The following NREP variants were observed in gnomAD, a reference collection of about 807,000 sequenced individuals.
NREP encodes neuronal regeneration related protein.
NREP carries 5 observed loss-of-function variants against 8.6 expected under a neutral mutation model. That is an observed-to-expected ratio of 0.58 (90% CI 0.30 to 1.22). The LOEUF (loss-of-function observed/expected upper bound fraction) is 1.22. NREP is among the 50% of genes most tolerant of loss of function. NREP has a pLI of 0.07. For synonymous variants in NREP, 27 were observed against 28.0 expected (o/e 0.96, Z 0.11); for missense variants, 86 against 82.5 (o/e 1.04, Z -0.17).
At chr5:111,774,223 AGAAG>A (rs1751304851) in intron 2 of NREP, among the ~76,000 whole-genome samples, 3 of 149,022 alleles carry the variant, frequency 2.0e-5, no homozygotes, top group African/African-American at 7.4e-5. Flanking sequence ...GAAGGAAGGA[AGAAG>A]GGAGGGAAGG....
intron 2 of NREP, among the ~76,000 whole-genome samples, chr5:111,803,205 T>A (rs755758905): frequency 3.9e-5 from 6 of 152,200 alleles, no homozygotes; most frequent in Non-Finnish European, 8.8e-5. Context: ...GGGATTCTAT[T>A]TTATAAAATA....
intron 2 of NREP, among the ~76,000 whole-genome samples, chr5:111,824,155 G>C (rs528916228): frequency 6.6e-6 from 1 of 152,296 alleles, no homozygotes; most frequent in Non-Finnish European, 1.5e-5. Context: ...CGGATCACGA[G>C]GTCAGGAGAT....
chr5:111,878,996 C>G (rs1307012993), intron 2 of NREP, among the ~76,000 whole-genome samples: 3 of 152,112 alleles, frequency 2.0e-5, no homozygotes, highest in Admixed American at 1.3e-4. Flanking sequence ...ATGTGACCAC[C>G]AATGTTAGAA....
intron 2 of NREP, among the ~76,000 whole-genome samples, chr5:111,859,778 C>G (rs960711894): frequency 2.0e-5 from 3 of 152,012 alleles, no homozygotes; most frequent in African/African-American, 7.2e-5. Context: ...CTTTATCTGT[C>G]CAGTCTTTTT....
chr5:111,874,240 G>A (rs1344023601), intron 2 of NREP, among the ~76,000 whole-genome samples: 1 of 152,138 alleles, frequency 6.6e-6, no homozygotes, highest in Non-Finnish European at 1.5e-5. Context: ...TATCAGTCCA[G>A]ATGTTAAAAT....
At chr5:111,861,098 C>T (rs560246018) in intron 2 of NREP, among the ~76,000 whole-genome samples, 2 of 152,268 alleles carry the variant, frequency 1.3e-5, no homozygotes, top group East Asian at 1.9e-4. Context: ...CACAAGCTAG[C>T]GTGCATTCAG....
chr5:111,937,421 T>C (rs993717372), intron 2 of NREP, among the ~76,000 whole-genome samples: 6 of 152,104 alleles, frequency 3.9e-5, no homozygotes, highest in African/African-American at 1.4e-4. Context: ...TTTCCAAGTA[T>C]GAAGTAAAGA....
intron 2 of NREP, among the ~76,000 whole-genome samples, chr5:111,866,725 G>A (rs553742875): frequency 1.3e-5 from 2 of 152,236 alleles, no homozygotes; most frequent in East Asian, 3.9e-4. Flanking sequence ...ATTCACAATA[G>A]CAAAGACTTG....
At chr5:111,975,684 CATAG>C (rs1342014291) in intron 1 of NREP, among the ~76,000 whole-genome samples, 3 of 152,106 alleles carry the variant, frequency 2.0e-5, no homozygotes. Context: ...TATCCATAAA[CATAG>C]ATATTCATTA....
chr5:111,880,686 A>G (rs1754032447), intron 2 of NREP, among the ~76,000 whole-genome samples: 1 of 151,418 alleles, frequency 6.6e-6, no homozygotes, highest in Non-Finnish European at 1.5e-5. Context: ...TGAATGGATT[A>G]CAGAGGTAGA....
chr5:111,972,196 C>A (rs1170959747), intron 2 of NREP, among the ~76,000 whole-genome samples: 1 of 152,070 alleles, frequency 6.6e-6, no homozygotes, highest in Non-Finnish European at 1.5e-5. Context: ...TATGACCTCA[C>A]ACCTGTTAGA....
rs147186662 is a variant in NREP, at chr5:111,770,520, T to TA, written c.136-35014dup. 4.4e-3 allele frequency among the ~76,000 whole-genome samples: 622 copies of TA among 140,042 alleles called. 8 individuals are homozygous for TA. The highest frequency in any genetic ancestry group is 0.016 in the African/African-American group (605 of 38,106). 91.9% of individuals were successfully genotyped at this position (140,042 alleles called of 152,430 possible). On this transcript the variant is annotated intron_variant, in intron 2 of 3. Coordinates refer to the NREP transcript ENST00000395634. ...TGCTAACATGCCTACAGTTTAGGAA[T>TA]AAAAAATATTATTTGGTAAAGAAGA...
intron 2 of NREP, among the ~76,000 whole-genome samples, chr5:111,799,735 T>A (rs1387239655): frequency 6.6e-6 from 1 of 152,246 alleles, no homozygotes; most frequent in African/African-American, 2.4e-5. Flanking sequence ...TACTTATGCG[T>A]ACATAATTCT....
At chr5:111,811,149 T>C (rs967053343) in intron 2 of NREP, among the ~76,000 whole-genome samples, 3 of 152,198 alleles carry the variant, frequency 2.0e-5, no homozygotes, top group Non-Finnish European at 4.4e-5. Context: ...TTCTGTCTTA[T>C]GCCTATGCCC....
chr5:111,837,712 A>C (rs959758626), intron 2 of NREP, among the ~76,000 whole-genome samples: 1 of 152,068 alleles, frequency 6.6e-6, no homozygotes, highest in Non-Finnish European at 1.5e-5. Flanking sequence ...TGATGAAATG[A>C]TTCAGGAAAG....
rs187327149 is a variant in NREP at position 111,958,217 on chromosome 5, T to C, written c.135+17057A>G. 5.7e-3 allele frequency among the ~76,000 whole-genome samples: 865 copies of C among 152,024 alleles called. 2 individuals carry two copies. Among genetic ancestry groups the C allele is most frequent in the Non-Finnish European group, 8.1e-3 (548 of 67,834 alleles). ...TATGTTTTATATCTATACTCTTAAA[T>C]TGTTAAGAATTAAAACAGTTGATGA... On this transcript the variant is annotated intron_variant, in intron 2 of 3. Coordinates refer to the NREP transcript ENST00000395634.
Position 111,904,150 on chromosome 5 carries a change from A to G in NREP, c.135+71124T>C, listed in dbSNP as rs932707725. Among the ~76,000 whole-genome samples the G allele has an allele frequency of 5.3e-5, 8 of 152,218 alleles. No homozygotes were observed. The East Asian group carries it at 5.8e-4, about 11-fold the overall frequency. ...TCTCTCCTCCAACTCAGTTTCTTCTATTATTAATATCTTGCATTCATGTGG... is the reference window on the plus strand; with the variant it reads ...TCTCTCCTCCAACTCAGTTTCTTCTGTTATTAATATCTTGCATTCATGTGG... On this transcript the variant is annotated intron_variant, in intron 2 of 3. Coordinates refer to the NREP transcript ENST00000395634.
intron 2 of NREP, among the ~76,000 whole-genome samples, chr5:111,879,748 T>C (rs1168293262): frequency 1.3e-5 from 2 of 152,174 alleles, no homozygotes; most frequent in Non-Finnish European, 2.9e-5. Context: ...CCAGCATAGT[T>C]GAGCTTTGGT....
At position 111,895,035 on chromosome 5, in the gene NREP, C is replaced by A. The variant is rs192553393; in HGVS notation, c.135+80239G>T. ...CCAGAGAATAGCTTTGGTTACCATGCCTTTCAAAGCAGCTTTATGCTGCTA... is the reference window on the plus strand; with the variant it reads ...CCAGAGAATAGCTTTGGTTACCATGACTTTCAAAGCAGCTTTATGCTGCTA... On this transcript the variant is annotated intron_variant, in intron 2 of 3. Transcript: ENST00000395634. Among the ~76,000 whole-genome samples the A allele has an allele frequency of 5.3e-5, 8 of 152,302 alleles. No individual in the cohort carries two copies. In the East Asian group the frequency reaches 5.8e-4, roughly 11 times the overall value.
Sources: allele counts gnomAD v4.1 joint callset (sites outside exome capture counted in the v4.1 genomes callset), GRCh38; gene constraint gnomAD v4.1.1; transcripts MANE v1.5; gene names NCBI Gene and HGNC (gene_info 2026-07-23, HGNC 2026-07-21).